The following AMPH variants were observed in gnomAD, a reference collection of about 807,000 sequenced individuals.
AMPH encodes amphiphysin, also known as amphiphysin (Stiff-Mann syndrome with breast cancer 128kD autoantigen).
In AMPH, 49 loss-of-function variants were observed where a neutral mutation model predicts 99.1. The observed-to-expected ratio is 0.49, with a 90% CI of 0.39 to 0.63. The LOEUF (loss-of-function observed/expected upper bound fraction) is 0.63, where lower values mean the gene tolerates loss of function less well. AMPH is among the 20% of genes least tolerant of loss of function. AMPH has a pLI of 0.00. For missense variants in AMPH, 759 were observed against 863.4 expected (o/e 0.88, Z 1.52); for synonymous variants, 314 against 317.3 (o/e 0.99, Z 0.11).
At chr7:38,462,925 C>A (rs746160588) in intron 10 of AMPH, 50 bp downstream of exon 10, 2 of 1,503,302 alleles carry the variant, frequency 1.3e-6, no homozygotes, top group Non-Finnish European at 8.9e-7. Flanking sequence ...ATGGGGCCAC[C>A]TTCATCTCAT....
At chr7:38,403,825 C>A (rs968317802) in intron 17 of AMPH, among the ~76,000 whole-genome samples, 2 of 152,252 alleles carry the variant, frequency 1.3e-5, no homozygotes, top group Non-Finnish European at 2.9e-5. Context: ...GCAGAGCAGA[C>A]TTCCCCTACT....
intron 11 of AMPH, among the ~76,000 whole-genome samples, chr7:38,437,625 C>CAAAAAAAAAA (rs70977404): frequency 2.4e-4 from 23 of 94,776 alleles, no homozygotes; most frequent in East Asian, 6.8e-4. Context: ...ACTAAAAATA[C>CAAAAAAAAAA]AAAAAAAAAA....
intron 17 of AMPH, 141 bp downstream of exon 17, chr7:38,417,684 C>T (rs964486276): frequency 1.4e-5 from 15 of 1,081,260 alleles, no homozygotes; most frequent in Admixed American, 4.6e-5. Flanking sequence ...GGCATGAAGG[C>T]TATTTGAACC....
chr7:38,460,543 T>C (rs1158188764), intron 11 of AMPH, among the ~76,000 whole-genome samples: 1 of 152,162 alleles, frequency 6.6e-6, no homozygotes, highest in East Asian at 1.9e-4. Context: ...AATAATGTTG[T>C]TTGCAATAAC....
Position 38,389,911 on chromosome 7 carries a change from G to C in AMPH, c.1879-6C>G, listed in dbSNP as rs760905601. 2 of 1,600,016 alleles carry C rather than the reference G, an allele frequency of 1.2e-6. No homozygotes were observed. Among genetic ancestry groups the C allele is most frequent in the South Asian group, 1.1e-5 (1 of 90,794 alleles). ...AAATCATGCAGTGTTTCCACCTGCAGAAGATAAGAATACATAAAAATCAAT... is the reference window on the plus strand; with the variant it reads ...AAATCATGCAGTGTTTCCACCTGCACAAGATAAGAATACATAAAAATCAAT... On this transcript the variant is annotated splice_region_variant and splice_polypyrimidine_tract_variant and intron_variant, in intron 19 of 20. Transcript: ENST00000356264.
At chr7:38,490,383 A>G (rs1293810158) in intron 5 of AMPH, among the ~76,000 whole-genome samples, 1 of 152,124 alleles carries the variant, frequency 6.6e-6, no homozygotes, top group Admixed American at 6.5e-5. Flanking sequence ...ACCAACCCTG[A>G]TAGTTTAAAA....
At position 38,462,744 on chromosome 7, in the gene AMPH, C is replaced by T. The variant is rs548183904; in HGVS notation, c.888+231G>A. Among the ~76,000 whole-genome samples, 6 of 152,202 alleles carry T rather than the reference C, an allele frequency of 3.9e-5. No individual in the cohort carries two copies. The South Asian group carries it at 8.3e-4, about 21-fold the overall frequency. On this transcript the variant is annotated intron_variant, in intron 10 of 20. Transcript: ENST00000356264. Reference sequence around the variant, plus strand: ...CATGCTCGCCTGAGCATGCCGAGAACGTGGTAAGAAGTCCCAAAAAACTTG... The same window carrying T: ...CATGCTCGCCTGAGCATGCCGAGAATGTGGTAAGAAGTCCCAAAAAACTTG...
At chr7:38,441,015 T>C (rs1288988561) in intron 11 of AMPH, among the ~76,000 whole-genome samples, 1 of 151,954 alleles carries the variant, frequency 6.6e-6, no homozygotes, top group African/African-American at 2.4e-5. Context: ...CTAGATACTG[T>C]CTATAAGAAA....
Position 38,422,475 on chromosome 7 carries a change from G to C in AMPH, c.1218C>G (p.Pro406=). 3 of 1,612,290 alleles carry C rather than the reference G, an allele frequency of 1.9e-6. No homozygotes were observed. The highest frequency in any genetic ancestry group is 2.5e-6 in the Non-Finnish European group (3 of 1,178,860). Reference sequence around the variant, plus strand: ...GCATTGTGAATAATGAAGTATCCTGGGGCTGAAAATCAAGGATAAAAATAG... The same window carrying C: ...GCATTGTGAATAATGAAGTATCCTGCGGCTGAAAATCAAGGATAAAAATAG... The part of the protein sequence containing the change: ...SGGSFNGFTQ[P]QDTSLFTMQT... Residue 406 remains proline, a splice_region_variant and synonymous_variant, in exon 16 of 21, where the codon CCC becomes CCG. Coordinates refer to ENST00000356264, the MANE Select transcript of AMPH (RefSeq NM_001635.4).
chr7:38,535,043 TTAA>T, intron 1 of AMPH, 32 bp from the exon 2 acceptor site: 1 of 1,574,832 alleles, frequency 6.3e-7, no homozygotes. Context: ...ATGGTTTAAT[TTAA>T]TAATGTTTTC....
rs985922711 is a variant in AMPH, at chr7:38,488,888, A to T, written c.396+2162T>A. On this transcript the variant is annotated intron_variant, in intron 5 of 20. Coordinates refer to ENST00000356264, the MANE Select transcript of AMPH (RefSeq NM_001635.4). ...ATGGCATCCTGGGTGCACAGACTGA[A>T]AGACTTACTATTGTTAAAATACCCA... Among the ~76,000 whole-genome samples, 6 of 152,270 alleles carry T rather than the reference A, an allele frequency of 3.9e-5. No homozygotes were observed. In the East Asian group the frequency reaches 1.2e-3, roughly 29 times the overall value.
chr7:38,415,801 C>T (rs1046549474), intron 17 of AMPH, among the ~76,000 whole-genome samples: 2 of 152,056 alleles, frequency 1.3e-5, no homozygotes, highest in East Asian at 1.9e-4. Flanking sequence ...CTGTGGAAAG[C>T]GTGGATCACA....
chr7:38,429,277 T>C, intron 14 of AMPH: 1 of 1,286,426 alleles, frequency 7.8e-7, no homozygotes, highest in Non-Finnish European at 1.0e-6. Flanking sequence ...AGTTGTTCAT[T>C]TCCACCTGGA....
rs1213299584 is a variant in AMPH, at chr7:38,617,244, C to T, written c.69+14039G>A. ...ACTCTACAGGGCATCATCTAATGTACGTTGGAAATAAATGTAGACTTCCCC... is the reference window on the plus strand; with the variant it reads ...ACTCTACAGGGCATCATCTAATGTATGTTGGAAATAAATGTAGACTTCCCC... On this transcript the variant is annotated intron_variant, in intron 1 of 20. Coordinates refer to ENST00000356264, the MANE Select transcript of AMPH (RefSeq NM_001635.4). Among the ~76,000 whole-genome samples the T allele has an allele frequency of 3.3e-5, 5 of 152,298 alleles. No individual in the cohort carries two copies. The South Asian group carries it at 6.2e-4, about 19-fold the overall frequency.
chr7:38,423,011 T>C (rs913948506), intron 15 of AMPH, among the ~76,000 whole-genome samples: 9 of 152,232 alleles, frequency 5.9e-5, no homozygotes, highest in Non-Finnish European at 1.3e-4. Context: ...TAATAGTTAT[T>C]CTAAATATAA....
In AMPH at chr7:38,565,056, A is replaced by G. The variant is rs1208538474; in HGVS notation, c.70-30045T>C. On this transcript the variant is annotated intron_variant, in intron 1 of 20. Transcript: ENST00000356264. ...GGAGAATGGCGTGAACCCGGGAGGC[A>G]GAGTTTGCAGTGAGCCGAGATCGTG... Among the ~76,000 whole-genome samples, 11 of 151,328 alleles carry G rather than the reference A, an allele frequency of 7.3e-5. No individual in the cohort carries two copies. The East Asian group carries it at 1.2e-3, about 16-fold the overall frequency.
chr7:38,573,562 T>A (rs562847124), intron 1 of AMPH, among the ~76,000 whole-genome samples: 1 of 152,228 alleles, frequency 6.6e-6, no homozygotes, highest in Non-Finnish European at 1.5e-5. Context: ...TTATTTACTT[T>A]TCAATATTCT....
intron 11 of AMPH, among the ~76,000 whole-genome samples, chr7:38,443,849 G>A (rs1786650815): frequency 6.6e-6 from 1 of 151,510 alleles, no homozygotes; most frequent in African/African-American, 2.4e-5. Context: ...ATGAAATAAG[G>A]TAGGAAAAAT....
intron 1 of AMPH, among the ~76,000 whole-genome samples, chr7:38,595,665 C>CA (rs1277849793): frequency 6.6e-6 from 1 of 152,070 alleles, no homozygotes; most frequent in African/African-American, 2.4e-5. Context: ...TGACTGTACC[C>CA]ATCACCCAGG....
Sources: gnomAD v4.1 joint callset for allele counts (sites outside exome capture counted in the v4.1 genomes callset) on GRCh38, gnomAD v4.1.1 for gene constraint, MANE v1.5 for transcripts, NCBI Gene and HGNC (gene_info 2026-07-23, HGNC 2026-07-21) for gene names.